CLIP2: variants seen among roughly 807,000 people sequenced by gnomAD.
The protein encoded by CLIP2 is CAP-Gly domain-containing linker protein 2.
In CLIP2, 41 loss-of-function variants were observed where a neutral mutation model predicts 111.7. The observed-to-expected ratio is 0.37, with a 90% confidence interval of 0.29 to 0.48. The LOEUF (loss-of-function observed/expected upper bound fraction) is 0.48. CLIP2 is among the 20% of genes least tolerant of loss of function. CLIP2 has a pLI of 0.99. For synonymous variants in CLIP2, 660 were observed against 644.2 expected (o/e 1.02, Z -0.37); for missense variants, 1,160 against 1,422.1 (o/e 0.82, Z 2.96).
chr7:74,298,768 A>T (rs1217373962), intron 1 of CLIP2, among the ~76,000 whole-genome samples: 1 of 152,086 alleles, frequency 6.6e-6, no homozygotes, highest in Non-Finnish European at 1.5e-5. Context: ...TCCTGACCTC[A>T]GGTGATTGTC....
chr7:74,291,579 T>C (rs1554725376), intron 1 of CLIP2, among the ~76,000 whole-genome samples: 1 of 152,214 alleles, frequency 6.6e-6, no homozygotes, highest in African/African-American at 2.4e-5. Flanking sequence ...AGGAGAACTG[T>C]GTGCCCTGTG....
intron 9 of CLIP2, among the ~76,000 whole-genome samples, chr7:74,373,600 C>A (rs1338909672): frequency 1.3e-5 from 2 of 152,066 alleles, no homozygotes; most frequent in African/African-American, 4.8e-5. Context: ...GGACTTGGCT[C>A]CCCAGCTTAT....
chr7:74,310,922 C>T (rs1248096150), intron 1 of CLIP2, among the ~76,000 whole-genome samples: 2 of 151,862 alleles, frequency 1.3e-5, no homozygotes, highest in Non-Finnish European at 2.9e-5. Flanking sequence ...GCCATGTTGC[C>T]CAGGCTGGTC....
At chr7:74,361,843 G>A (rs1295740265) in intron 7 of CLIP2, among the ~76,000 whole-genome samples, 1 of 152,112 alleles carries the variant, frequency 6.6e-6, no homozygotes, top group African/African-American at 2.4e-5. Context: ...GTTCATGCCT[G>A]TAATCTCAGC....
intron 1 of CLIP2, among the ~76,000 whole-genome samples, chr7:74,313,328 G>A (rs1554728758): frequency 6.6e-6 from 1 of 151,930 alleles, no homozygotes; most frequent in African/African-American, 2.4e-5. Flanking sequence ...GGGAGGCCGA[G>A]GGGGGCAGAT....
rs1584332019 is a variant in CLIP2, at chr7:74,331,137, T to C, written c.122-7311T>C. Among the ~76,000 whole-genome samples, 11 of 127,326 alleles carry C rather than the reference T, an allele frequency of 8.6e-5. No individual in the cohort carries two copies. The South Asian group carries it at 2.7e-3, about 32-fold the overall frequency. 83.5% of individuals were successfully genotyped at this position (127,326 alleles called of 152,430 possible). The stretch of plus-strand genomic sequence containing the variant: ...AGGAGAATCACTTGAACCCAGGAGG[T>C]AGAGGTTGCAGTGAGCCGAGATCAT... On this transcript the variant is annotated intron_variant, in intron 2 of 16. Transcript: ENST00000223398.
At chr7:74,396,567 C>T (rs1448834807) in intron 13 of CLIP2, among the ~76,000 whole-genome samples, 3 of 152,154 alleles carry the variant, frequency 2.0e-5, no homozygotes, top group African/African-American at 7.2e-5. Context: ...GTTGCCCAGG[C>T]TGGAGTGCAA....
At chr7:74,308,390 A>C (rs1338323308) in intron 1 of CLIP2, among the ~76,000 whole-genome samples, 4 of 152,170 alleles carry the variant, frequency 2.6e-5, no homozygotes, top group Admixed American at 6.5e-5. Context: ...TGATCACCAC[A>C]AGCCACTCAG....
At chr7:74,366,202 C>T (rs1189126346) in intron 8 of CLIP2, among the ~76,000 whole-genome samples, 2 of 152,232 alleles carry the variant, frequency 1.3e-5, no homozygotes, top group East Asian at 3.9e-4. Flanking sequence ...TTATCAGGCT[C>T]ATGGTCTTCC....
Position 74,333,896 on chromosome 7 carries a change from C to T in CLIP2, c.122-4552C>T, listed in dbSNP as rs563055090. Among the ~76,000 whole-genome samples, 6 of 152,316 alleles carry T rather than the reference C, an allele frequency of 3.9e-5. No homozygotes were observed. The South Asian group carries it at 1.2e-3, about 32-fold the overall frequency. ...AGGGCAGTGAGGCCCAGGCTGTGCC[C>T]ACAGGGAGCTCCCAAACAGCTTGCC... On this transcript the variant is annotated intron_variant, in intron 2 of 16. Transcript: ENST00000223398.
At chr7:74,306,950 G>A (rs1299455581) in intron 1 of CLIP2, among the ~76,000 whole-genome samples, 4 of 152,236 alleles carry the variant, frequency 2.6e-5, no homozygotes, top group Admixed American at 6.5e-5. Flanking sequence ...GTCGGCCACA[G>A]TGTGGCCAGA....
At chr7:74,324,952 G>T (rs1789070779) in intron 2 of CLIP2, among the ~76,000 whole-genome samples, 2 of 152,188 alleles carry the variant, frequency 1.3e-5, no homozygotes, top group African/African-American at 4.8e-5. Flanking sequence ...TCTCCGAGGG[G>T]CTGGAGGCGG....
intron 9 of CLIP2, 147 bp from the exon 10 acceptor site, chr7:74,375,740 T>C: frequency 1.7e-6 from 1 of 604,914 alleles, no homozygotes; most frequent in South Asian, 2.3e-5. Flanking sequence ...CAGGAGGGAG[T>C]GAGCGCCTTT....
intron 13 of CLIP2, among the ~76,000 whole-genome samples, chr7:74,390,741 G>T (rs1275557063): frequency 2.0e-5 from 2 of 102,554 alleles, no homozygotes; most frequent in African/African-American, 7.9e-5. Context: ...ACTATTTTCT[G>T]GCGGGGTGGG....
chr7:74,340,004 G>A (rs1789612522), intron 3 of CLIP2, among the ~76,000 whole-genome samples: 1 of 152,164 alleles, frequency 6.6e-6, no homozygotes, highest in Admixed American at 6.6e-5. Context: ...TGTGGTGGGA[G>A]GATGGCTTGA....
chr7:74,339,298 C>CTTACTTATTTAT (rs1554732916), intron 3 of CLIP2, among the ~76,000 whole-genome samples: 14 of 150,352 alleles, frequency 9.3e-5, no homozygotes, highest in Non-Finnish European at 1.6e-4. Flanking sequence ...ACTTATTTTA[C>CTTACTTATTTAT]TTATTTATTT....
chr7:74,296,016 T>C (rs1410990852), intron 1 of CLIP2, among the ~76,000 whole-genome samples: 1 of 150,884 alleles, frequency 6.6e-6, no homozygotes, highest in Non-Finnish European at 1.5e-5. Context: ...AAAAGCGTTT[T>C]TATAGAGATA....
rs1347379471 is a variant in CLIP2, at chr7:74,380,876, C to A, written c.2479+13C>A. ...GAAACTGTGGAGGGTGAGTGGCCACCAGGCCGGGCGGGACTCTGGGCTCTG... is the reference window on the plus strand; with the variant it reads ...GAAACTGTGGAGGGTGAGTGGCCACAAGGCCGGGCGGGACTCTGGGCTCTG... On this transcript the variant is annotated intron_variant, in intron 11 of 16. Coordinates refer to ENST00000223398, the MANE Select transcript of CLIP2 (RefSeq NM_003388.5). 2.5e-6 allele frequency: 4 copies of A among 1,613,160 alleles called. No individual in the cohort carries two copies. The highest frequency in any genetic ancestry group is 3.4e-6 in the Non-Finnish European group (4 of 1,179,324).
At chr7:74,325,851 G>T (rs1789092313) in intron 2 of CLIP2, among the ~76,000 whole-genome samples, 4 of 151,412 alleles carry the variant, frequency 2.6e-5, no homozygotes, top group Admixed American at 2.0e-4. Context: ...AAAAAAAGTT[G>T]GGGGGCTGGG....
Sources: allele counts gnomAD v4.1 joint callset (sites outside exome capture counted in the v4.1 genomes callset), GRCh38; gene constraint gnomAD v4.1.1; transcripts MANE v1.5; gene names NCBI Gene and HGNC (gene_info 2026-07-23, HGNC 2026-07-21).